The following STX1A variants were observed in gnomAD, a reference collection of about 807,000 sequenced individuals.
STX1A encodes the protein syntaxin-1A.
A neutral mutation model predicts 37.8 loss-of-function variants in STX1A; 4 were observed. That is an observed-to-expected ratio of 0.11 (90% CI 0.05 to 0.24). STX1A has a LOEUF of 0.24. STX1A is among the 10% of genes least tolerant of loss of function. STX1A has a pLI of 1.00. For missense variants in STX1A, 251 were observed against 399.9 expected, an observed-to-expected ratio of 0.63 and a Z score of 3.18; for synonymous variants, 135 against 147.4, an observed-to-expected ratio of 0.92 and a Z score of 0.61.
chr7:73,703,708 G>A (rs1554616275), intron 7 of STX1A, 47 bp downstream of exon 7: 4 of 1,595,118 alleles, frequency 2.5e-6, no homozygotes, highest in African/African-American at 2.7e-5. Flanking sequence ...TGGACGTAGG[G>A]AACATGGTGA....
intron 1 of STX1A, among the ~76,000 whole-genome samples, chr7:73,718,459 AT>A (rs1799368792): frequency 6.6e-6 from 1 of 151,996 alleles, no homozygotes; most frequent in Admixed American, 6.6e-5. Flanking sequence ...GACACTTGAC[AT>A]TTTCCATAGG....
intron 1 of STX1A, among the ~76,000 whole-genome samples, chr7:73,713,427 G>A (rs1397475638): frequency 1.3e-5 from 2 of 152,148 alleles, no homozygotes; most frequent in East Asian, 3.8e-4. Flanking sequence ...TGGCCAGGGC[G>A]GGCACTGTAT....
chr7:73,700,118 G>GTT lies in STX1A; in HGVS notation c.*288_*289insAA. 2.0e-6 allele frequency: 1 copy of GTT among 506,460 alleles called. No homozygotes were observed. 31.4% of individuals were successfully genotyped at this position (506,460 alleles called of 1,614,324 possible). A position where few individuals can be genotyped will look rare whatever the true frequency, so the allele number is the denominator to read the frequency against. On this transcript the variant is annotated 3_prime_UTR_variant, in exon 10 of 10. Coordinates refer to ENST00000222812, the MANE Select transcript of STX1A (RefSeq NM_004603.4). The surrounding 1 kb of genome is among the most constrained non-coding windows in gnomAD (Gnocchi z 4.4). ...TACTGAAGGCAAGGAAGGGTGGCCT[G>GTT]TGTCACCCTGGCGGCCCTGCCTGGG... is the stretch of plus-strand genomic sequence containing the variant.
intron 1 of STX1A, among the ~76,000 whole-genome samples, chr7:73,712,388 A>C (rs1799135352): frequency 1.0e-5 from 1 of 99,556 alleles, no homozygotes; most frequent in African/African-American, 4.1e-5. Context: ...TCCCCCAGGC[A>C]CATCCCTTTG....
intron 2 of STX1A, 86 bp downstream of exon 2, chr7:73,708,959 A>G (rs892229860): frequency 1.4e-6 from 2 of 1,451,632 alleles, no homozygotes; most frequent in African/African-American, 2.8e-5. Context: ...TGCAGGTGTG[A>G]AAGAGCACTG....
chr7:73,714,309 T>A (rs1302205954), intron 1 of STX1A, among the ~76,000 whole-genome samples: 1 of 152,068 alleles, frequency 6.6e-6, no homozygotes, highest in Non-Finnish European at 1.5e-5. Context: ...GGTTTCACCA[T>A]GTTGGCCAGG....
At chr7:73,703,086 G>C in intron 7 of STX1A, 104 bp from the exon 8 acceptor site, 2 of 929,700 alleles carry the variant, frequency 2.2e-6, no homozygotes, top group Non-Finnish European at 3.2e-6. Flanking sequence ...TCCGGAAGGG[G>C]GCCTGAGGCT....
chr7:73,719,640 G>A lies in STX1A; in HGVS notation c.-9C>T. 5 of 1,195,740 alleles carry A rather than the reference G, an allele frequency of 4.2e-6. No individual in the cohort carries two copies. The highest frequency in any genetic ancestry group is 5.2e-6 in the Non-Finnish European group (5 of 959,952). The allele number at this position is 1,195,740 out of a possible 1,614,324, so 74.1% of individuals were successfully genotyped here. A position where few individuals can be genotyped will look rare whatever the true frequency, so the allele number is the denominator to read the frequency against. On this transcript the variant is annotated 5_prime_UTR_variant, in exon 1 of 10. Coordinates refer to ENST00000222812, the MANE Select transcript of STX1A (RefSeq NM_004603.4). ...TGGGTTCGGTCCTTCATGCTCCCGG[G>A]AGTGGCAGCGGCGCCGGCTGCAGCC...
At chr7:73,703,567 T>C (rs782034252) in intron 7 of STX1A, 188 bp downstream of exon 7, 1 of 769,452 alleles carries the variant, frequency 1.3e-6, no homozygotes, top group South Asian at 1.5e-5. Flanking sequence ...GGGTCTTGAG[T>C]CCACCTTTGC....
At chr7:73,715,354 G>A (rs1799254319) in intron 1 of STX1A, among the ~76,000 whole-genome samples, 1 of 152,008 alleles carries the variant, frequency 6.6e-6, no homozygotes, top group Non-Finnish European at 1.5e-5. Flanking sequence ...CCCAGGAGGT[G>A]GAGGCTGCAG....
chr7:73,704,897 G>A (rs1312664319), intron 4 of STX1A: 4 of 583,526 alleles, frequency 6.9e-6, no homozygotes, highest in Admixed American at 3.0e-5. Context: ...TAGCAGAGGT[G>A]AGGGGCAGTG....
chr7:73,706,271 G>A lies in STX1A; in HGVS notation c.209-1047C>T, dbSNP rs1554616935. ...GGTGGAGCGGGGAAGGGGGGGTTCC[G>A]AGGCGCGGAGGAGGGCGCCTCATCC... On this transcript the variant is annotated intron_variant, in intron 3 of 9. Coordinates refer to ENST00000222812, the MANE Select transcript of STX1A (RefSeq NM_004603.4). This position sits in a 1 kb window ranked among gnomAD's most constrained non-coding sequence, Gnocchi z 4.6. Among the ~76,000 whole-genome samples the A allele has an allele frequency of 6.6e-6, 1 of 152,138 alleles. No homozygotes were observed. Among genetic ancestry groups the A allele is most frequent in the Non-Finnish European group, 1.5e-5 (1 of 68,010 alleles).
chr7:73,706,411 G>A lies in STX1A; in HGVS notation c.209-1187C>T, dbSNP rs1798872887. ...CCCCAGAGGAGGCAGAGCCTGCCTT[G>A]CCCGGGAGAGCCCCCCACTCATTGC... On this transcript the variant is annotated intron_variant, in intron 3 of 9. Transcript: ENST00000222812. The surrounding 1 kb of genome is among the most constrained non-coding windows in gnomAD (Gnocchi z 4.6). 6.6e-6 allele frequency among the ~76,000 whole-genome samples: 1 copy of A among 152,098 alleles called. No individual in the cohort carries two copies. Among genetic ancestry groups the A allele is most frequent in the South Asian group, 2.1e-4 (1 of 4,820 alleles).
chr7:73,703,562 T>C, intron 7 of STX1A, 193 bp downstream of exon 7: 1 of 754,362 alleles, frequency 1.3e-6, no homozygotes, highest in Non-Finnish European at 2.3e-6. Context: ...GACAGGGGTC[T>C]TGAGTCCACC....
Position 73,700,185 on chromosome 7 carries a change from G to A in STX1A, c.*222C>T. ...CACACTGCATCACGCCCCGCTGGCTGCCTCCCTCTGCCTCTTCCCGTACAG... is the reference window on the plus strand; with the variant it reads ...CACACTGCATCACGCCCCGCTGGCTACCTCCCTCTGCCTCTTCCCGTACAG... On this transcript the variant is annotated 3_prime_UTR_variant, in exon 10 of 10. Coordinates refer to ENST00000222812, the MANE Select transcript of STX1A (RefSeq NM_004603.4). This position sits in a 1 kb window ranked among gnomAD's most constrained non-coding sequence, Gnocchi z 4.4. 1 of 602,498 alleles carries A rather than the reference G, an allele frequency of 1.7e-6. No homozygotes were observed. The highest frequency in any genetic ancestry group is 3.0e-6 in the Non-Finnish European group (1 of 338,254). The allele number at this position is 602,498 out of a possible 1,614,324, so 37.3% of individuals were successfully genotyped here. A position where few individuals can be genotyped will look rare whatever the true frequency, so the allele number is the denominator to read the frequency against.
Position 73,709,070 on chromosome 7 carries a change from C to G in STX1A, c.83G>C (p.Arg28Pro). The change falls in exon 2 of 10, where the codon CGC (arginine) becomes CCC (proline). Residue 28 changes from arginine (R) to proline (P), a missense_variant. Coordinates refer to ENST00000222812, the MANE Select transcript of STX1A (RefSeq NM_004603.4). This position sits in a 1 kb window ranked among gnomAD's most constrained non-coding sequence, Gnocchi z 4.2. The part of the protein sequence containing the change: ...DDVAVTVDRD[R>P]FMDEFFEQVE... Reference sequence around the variant, plus strand: ...CTGCTCAAAGAACTCATCCATGAAGCGGTCTCGGTCCACGGTGACAGCGAC... The same window carrying G: ...CTGCTCAAAGAACTCATCCATGAAGGGGTCTCGGTCCACGGTGACAGCGAC... 1.2e-6 allele frequency: 2 copies of G among 1,614,044 alleles called. No homozygotes were observed. The highest frequency in any genetic ancestry group is 1.7e-6 in the Non-Finnish European group (2 of 1,179,984).
chr7:73,707,724 G>A (rs926071588), intron 3 of STX1A, among the ~76,000 whole-genome samples: 8 of 151,964 alleles, frequency 5.3e-5, no homozygotes, highest in Non-Finnish European at 7.4e-5. Flanking sequence ...ACCTGAGGTC[G>A]GGAGTTCGAG....
rs1297304747 is a variant in STX1A at position 73,702,084 on chromosome 7, TC to T, written c.678+760del. On this transcript the variant is annotated intron_variant, in intron 8 of 9. Coordinates refer to ENST00000222812, the MANE Select transcript of STX1A (RefSeq NM_004603.4). The surrounding 1 kb of genome is among the most constrained non-coding windows in gnomAD (Gnocchi z 4.7). The stretch of plus-strand genomic sequence containing the variant: ...AGCAGCAAGGACCTCCTTTTTCTGT[TC>T]CTGAAATAAGTCTGGGTCTTGCTGG... Among the ~76,000 whole-genome samples, 7 of 152,170 alleles carry T rather than the reference TC, an allele frequency of 4.6e-5. No individual in the cohort carries two copies. Among genetic ancestry groups the T allele is most frequent in the Non-Finnish European group, 2.9e-5 (2 of 68,026 alleles).
chr7:73,703,568 C>A, intron 7 of STX1A, 187 bp downstream of exon 7: 1 of 772,584 alleles, frequency 1.3e-6, no homozygotes, highest in East Asian at 2.6e-5. Context: ...GGTCTTGAGT[C>A]CACCTTTGCC....
Sources: allele counts gnomAD v4.1 joint callset (sites outside exome capture counted in the v4.1 genomes callset), GRCh38; gene constraint gnomAD v4.1.1; non-coding constraint Gnocchi (gnomAD v3.1); transcripts MANE v1.5; gene names NCBI Gene and HGNC (gene_info 2026-07-23, HGNC 2026-07-21).